Variants in YIPF7 observed in about 807,000 individuals in gnomAD.
The protein encoded by YIPF7 is protein YIPF7.
YIPF7 carries 35 observed loss-of-function variants against 27.2 expected under a neutral mutation model. The ratio of observed to expected loss-of-function variants is 1.29; its 90% confidence interval spans 0.98 to 1.70. The LOEUF is 1.70. Among genes scored for constraint, YIPF7 ranks in the 40% most tolerant of loss-of-function variants. The pLI is 0.00. For synonymous variants in YIPF7, 137 were observed against 110.4 expected (o/e 1.24, Z -1.51); for missense variants, 358 against 303.7 (o/e 1.18, Z -1.33).
At chr4:44,624,945 T>A (rs1712579202) in intron 4 of YIPF7, among the ~76,000 whole-genome samples, 163 bp from the exon 5 acceptor site, 1 of 152,162 alleles carries the variant, frequency 6.6e-6, no homozygotes, top group South Asian at 2.1e-4. Flanking sequence ...ACATGGCCAA[T>A]GGTTTGAATT....
intron 5 of YIPF7, among the ~76,000 whole-genome samples, chr4:44,624,387 A>G (rs1712549385): frequency 6.6e-6 from 1 of 152,108 alleles, no homozygotes; most frequent in Non-Finnish European, 1.5e-5. Flanking sequence ...TTTAAAGATA[A>G]CTTGGATTAA....
At chr4:44,630,042 T>C (rs968757090) in intron 3 of YIPF7, among the ~76,000 whole-genome samples, 3 of 152,194 alleles carry the variant, frequency 2.0e-5, no homozygotes, top group African/African-American at 4.8e-5. Flanking sequence ...AGTGGCACGA[T>C]CTCAGCTCCT....
At chr4:44,653,148 T>C (rs987954951), upstream of YIPF7, among the ~76,000 whole-genome samples, 3 of 151,990 alleles carry the variant, frequency 2.0e-5, no homozygotes, top group Non-Finnish European at 2.9e-5. Context: ...AGTTTTGTGG[T>C]TTCTGGTTTA....
At chr4:44,635,827 C>T in intron 3 of YIPF7, 95 bp downstream of exon 3, 1 of 1,360,078 alleles carries the variant, frequency 7.4e-7, no homozygotes, top group Non-Finnish European at 1.0e-6. Flanking sequence ...AAACATAAGA[C>T]ACTGTACACT....
chr4:44,650,205 T>A (rs1449199658), intron 1 of YIPF7, 104 bp from the exon 2 acceptor site: 4 of 741,618 alleles, frequency 5.4e-6, no homozygotes, highest in Admixed American at 2.4e-5. Context: ...TGAATTCCTA[T>A]CAGAAAAAAA....
At chr4:44,643,414 A>G (rs1018452387) in intron 2 of YIPF7, among the ~76,000 whole-genome samples, 5 of 152,216 alleles carry the variant, frequency 3.3e-5, no homozygotes, top group Non-Finnish European at 7.3e-5. Flanking sequence ...TGAAACTTGA[A>G]ATTATATTTA....
rs111323448 is a variant in YIPF7 at position 44,624,356 on chromosome 4, G to A, written c.608+245C>T. Among the ~76,000 whole-genome samples, 1,474 of 152,064 alleles carry A rather than the reference G, an allele frequency of 9.7e-3. 26 individuals are homozygous for A. Among genetic ancestry groups the A allele is most frequent in the African/African-American group, 0.032 (1,324 of 41,496 alleles). On this transcript the variant is annotated intron_variant, in intron 5 of 5. Transcript: ENST00000415895. ...TGGGATTACAAGCATGAGCCACTGC[G>A]CCTGGCCAAAAAGTGTCAGTTTTAA...
At chr4:44,643,555 T>C (rs1324753408) in intron 2 of YIPF7, among the ~76,000 whole-genome samples, 2 of 152,168 alleles carry the variant, frequency 1.3e-5, no homozygotes, top group African/African-American at 4.8e-5. Context: ...AAGAGCCATG[T>C]GCTATTAGTC....
rs184001178 is a variant in YIPF7, at chr4:44,633,431, T to A, written c.280+2491A>T. On this transcript the variant is annotated intron_variant, in intron 3 of 5. Transcript: ENST00000415895. ...ACAAATGCTGCAGGAAAAAAATTAG[T>A]TAAGCAGCACAGAAAAAATAAATAA... Among the ~76,000 whole-genome samples the A allele has an allele frequency of 3.0e-4, 46 of 150,850 alleles. No individual in the cohort carries two copies. In the East Asian group the frequency reaches 8.0e-3, roughly 26 times the overall value.
chr4:44,635,611 C>A (rs1713087616), intron 3 of YIPF7, among the ~76,000 whole-genome samples: 1 of 152,190 alleles, frequency 6.6e-6, no homozygotes, highest in Admixed American at 6.5e-5. Context: ...TTTGATGTAA[C>A]TACTCTGCCA....
At position 44,622,232 on chromosome 4, in the gene YIPF7, C is replaced by A; in HGVS notation, c.*182G>T. ...TGTTTTAATGCACCAAACTCAAAAGCAAAACATCATTCAAACCAACAGGCT... is the reference window on the plus strand; with the variant it reads ...TGTTTTAATGCACCAAACTCAAAAGAAAAACATCATTCAAACCAACAGGCT... On this transcript the variant is annotated 3_prime_UTR_variant, in exon 6 of 6. Coordinates refer to ENST00000415895, the MANE Select transcript of YIPF7 (RefSeq NM_182592.3). 1.4e-6 allele frequency: 1 copy of A among 729,344 alleles called. No homozygotes were observed. The highest frequency in any genetic ancestry group is 2.2e-6 in the Non-Finnish European group (1 of 455,752). The allele number at this position is 729,344 out of a possible 1,614,324, so 45.2% of individuals were successfully genotyped here.
intron 2 of YIPF7, among the ~76,000 whole-genome samples, chr4:44,641,791 C>A (rs1713334666): frequency 6.6e-6 from 1 of 152,102 alleles, no homozygotes. Context: ...TCATTAAGAG[C>A]AAGAGCCTGG....
chr4:44,657,506 C>A (rs1713930742), intron 2 of YIPF7, among the ~76,000 whole-genome samples: 2 of 152,120 alleles, frequency 1.3e-5, no homozygotes, highest in Admixed American at 6.5e-5. Flanking sequence ...GCAAAATGAC[C>A]TATGAAGGTT....
At position 44,637,261 on chromosome 4, in the gene YIPF7, C is replaced by G. The variant is rs149897563; in HGVS notation, c.117-1176G>C. The stretch of plus-strand genomic sequence containing the variant: ...GACTTCTTTTCCTTTGGATATATAC[C>G]CAGTAGTGGGATTGCTTGATAAAAT... On this transcript the variant is annotated intron_variant, in intron 2 of 5. Transcript: ENST00000415895. 6.1e-4 allele frequency among the ~76,000 whole-genome samples: 93 copies of G among 152,038 alleles called. 1 individual carries two copies. In the East Asian group the frequency reaches 0.016, roughly 26 times the overall value.
upstream of YIPF7, among the ~76,000 whole-genome samples, chr4:44,654,964 G>A (rs570796699): frequency 6.6e-6 from 1 of 151,988 alleles, no homozygotes; most frequent in South Asian, 2.1e-4. Context: ...CACCTTTAAT[G>A]ACTTGACAAA....
At chr4:44,623,648 C>T (rs1712519535) in intron 5 of YIPF7, among the ~76,000 whole-genome samples, 1 of 152,120 alleles carries the variant, frequency 6.6e-6, no homozygotes, top group Non-Finnish European at 1.5e-5. Flanking sequence ...CAAATAAGTA[C>T]TACATTTATT....
At chr4:44,637,590 T>TA (rs1713173323) in intron 2 of YIPF7, among the ~76,000 whole-genome samples, 2 of 152,140 alleles carry the variant, frequency 1.3e-5, no homozygotes, top group South Asian at 4.1e-4. Flanking sequence ...TTTTCTTTTT[T>TA]AAAAAAATTT....
At position 44,629,355 on chromosome 4, in the gene YIPF7, A is replaced by C. The variant is rs535821749; in HGVS notation, c.426+48T>G. On this transcript the variant is annotated intron_variant, in intron 4 of 5. Coordinates refer to ENST00000415895, the MANE Select transcript of YIPF7 (RefSeq NM_182592.3). ...TTATACAGATTGCTTCAAAGCCAGC[A>C]CTGGAAAGGACAAGCATTAAAATCT... 8 of 1,511,878 alleles carry C rather than the reference A, an allele frequency of 5.3e-6. No individual in the cohort carries two copies. The East Asian group carries it at 1.7e-4, about 32-fold the overall frequency. 93.7% of individuals were successfully genotyped at this position (1,511,878 alleles called of 1,614,324 possible).
chr4:44,626,581 T>C (rs1483382063), intron 4 of YIPF7, among the ~76,000 whole-genome samples: 2 of 152,130 alleles, frequency 1.3e-5, no homozygotes, highest in East Asian at 1.9e-4. Context: ...TCTCTCATCA[T>C]GTCTTTCTCT....
Sources: gnomAD v4.1 joint callset for allele counts (sites outside exome capture counted in the v4.1 genomes callset) on GRCh38, gnomAD v4.1.1 for gene constraint, MANE v1.5 for transcripts, NCBI Gene and HGNC (gene_info 2026-07-23, HGNC 2026-07-21) for gene names.